The following GNPDA1 variants were observed in gnomAD, a reference collection of about 807,000 sequenced individuals.
GNPDA1 encodes glucosamine-6-phosphate deaminase 1.
A neutral mutation model predicts 28.5 loss-of-function variants in GNPDA1; 24 were observed. That is an observed-to-expected ratio of 0.84 (90% CI 0.61 to 1.19). GNPDA1 has a LOEUF of 1.19. Among genes scored for constraint, GNPDA1 ranks in the 50% most tolerant of loss-of-function variants. The pLI is 0.00. For missense variants in GNPDA1, 264 were observed against 367.3 expected (o/e 0.72, Z 2.30); for synonymous variants, 147 against 139.3 (o/e 1.06, Z -0.39).
At chr5:142,010,603 C>G (rs1436735416) in intron 2 of GNPDA1, among the ~76,000 whole-genome samples, 1 of 151,126 alleles carries the variant, frequency 6.6e-6, no homozygotes, top group African/African-American at 2.4e-5. Flanking sequence ...GACCTCCTGG[C>G]CCAAGCAATA....
At chr5:142,002,906 A>T (rs1230267406) in intron 6 of GNPDA1, among the ~76,000 whole-genome samples, 182 bp downstream of exon 6, 1 of 152,206 alleles carries the variant, frequency 6.6e-6, no homozygotes, top group Non-Finnish European at 1.5e-5. Context: ...GATCTCCAGA[A>T]ATGGATCTTT....
At chr5:142,006,082 G>T in intron 4 of GNPDA1, 62 bp downstream of exon 4, 1 of 1,392,066 alleles carries the variant, frequency 7.2e-7, no homozygotes, top group Non-Finnish European at 1.0e-6. Context: ...CAGGCATTGT[G>T]TCTTGTCCTC....
At chr5:142,002,581 C>T (rs1407010068) in intron 6 of GNPDA1, among the ~76,000 whole-genome samples, 3 of 152,010 alleles carry the variant, frequency 2.0e-5, no homozygotes, top group Non-Finnish European at 2.9e-5. Flanking sequence ...GGCAAAACCC[C>T]GCCTCTACTA....
At position 142,005,044 on chromosome 5, in the gene GNPDA1, G is replaced by A. The variant is rs774577541; in HGVS notation, c.482C>T (p.Thr161Met). 4.3e-5 allele frequency: 69 copies of A among 1,613,582 alleles called. No homozygotes were observed. Among genetic ancestry groups the A allele is most frequent in the Non-Finnish European group, 5.1e-5 (60 of 1,179,700 alleles). Residue 161 changes from threonine to methionine, a missense_variant, in exon 5 of 7, where the codon ACG becomes ATG. Transcript: ENST00000311337. ...SSLVSRTRVK[T>M]LAMDTILANA... ...GGCCAGGATGGTATCCATGGCCAGC[G>A]TCTTCACACGGGTCCTGGACACCAG...
intron 1 of GNPDA1, chr5:142,012,464 C>A (rs1366247672): frequency 6.4e-6 from 1 of 156,708 alleles, no homozygotes; most frequent in Admixed American, 6.2e-5. Context: ...GATAGATGCT[C>A]GGCTCAGCCC....
In GNPDA1 at chr5:142,001,296, TG is replaced by T. The variant is rs1264860796; in HGVS notation, c.*732del. ...AGGCTTTCACAAAAACACAGGGCTC[TG>T]GGGGAAAAACGGCTTCCACCTTCTG... On this transcript the variant is annotated 3_prime_UTR_variant, in exon 7 of 7. Transcript: ENST00000311337. 6.6e-6 allele frequency: 1 copy of T among 152,202 alleles called. No individual in the cohort carries two copies. Among genetic ancestry groups the T allele is most frequent in the East Asian group, 1.9e-4 (1 of 5,294 alleles). The allele number at this position is 152,202 out of a possible 1,614,324, so 9.4% of individuals were successfully genotyped here.
At chr5:142,010,513 T>TTC (rs776293204) in intron 2 of GNPDA1, among the ~76,000 whole-genome samples, 1,001 of 46,096 alleles carry the variant, frequency 0.022, 13 homozygotes, top group African/African-American at 0.047. Flanking sequence ...TTTTCTTTCT[T>TTC]TTTTTTTTTT....
intron 5 of GNPDA1, among the ~76,000 whole-genome samples, chr5:142,004,511 T>G (rs772025476): frequency 6.6e-6 from 1 of 152,250 alleles, no homozygotes; most frequent in African/African-American, 2.4e-5. Flanking sequence ...TATTAATCTC[T>G]GAGCACGGGG....
Position 142,004,977 on chromosome 5 carries a change from G to C in GNPDA1, c.549C>G (p.Thr183=), listed in dbSNP as rs1474905325. The C allele has an allele frequency of 1.9e-6, 3 of 1,612,996 alleles. No individual in the cohort carries two copies. The highest frequency in any genetic ancestry group is 2.5e-6 in the Non-Finnish European group (3 of 1,179,122). Residue 183 remains threonine (T), a synonymous_variant, in exon 5 of 7, where the codon ACC becomes ACG. Transcript: ENST00000311337. ...TGCCCACCCCCACCGTCAAGGCCAT[G>C]GTGGGCACCTTGGTGAGTTCTCCAT... ...FFDGELTKVP[T]MALTVGVGTV... is the part of the protein sequence containing the mutation.
Position 142,003,936 on chromosome 5 carries a change from G to C in GNPDA1, c.595-674C>G, listed in dbSNP as rs1470901128. On this transcript the variant is annotated intron_variant, in intron 5 of 6. Transcript: ENST00000311337. The surrounding 1 kb of genome is among the most constrained non-coding windows in gnomAD (Gnocchi z 4.0). ...AAAGAGAAAAAAACTCAGTTCTGTA[G>C]ATTTCCTTTCATTTTAATTCACATG... Among the ~76,000 whole-genome samples the C allele has an allele frequency of 6.6e-6, 1 of 152,194 alleles. No individual in the cohort carries two copies. Among genetic ancestry groups the C allele is most frequent in the Non-Finnish European group, 1.5e-5 (1 of 68,030 alleles).
chr5:142,004,264 C>A (rs935813886), intron 5 of GNPDA1, among the ~76,000 whole-genome samples: 1 of 152,150 alleles, frequency 6.6e-6, no homozygotes, highest in Admixed American at 6.5e-5. Flanking sequence ...CACAAAAGTT[C>A]ACTTTAAACA....
At chr5:142,005,217 T>A in intron 4 of GNPDA1, 101 bp from the exon 5 acceptor site, 2 of 905,458 alleles carry the variant, frequency 2.2e-6, no homozygotes, top group South Asian at 1.7e-5. Flanking sequence ...AGAAAAATCA[T>A]TGAAAGCTGT....
Position 142,004,924 on chromosome 5 carries a change from G to A in GNPDA1, c.594+8C>T, listed in dbSNP as rs755283952. On this transcript the variant is annotated splice_region_variant and intron_variant, in intron 5 of 6. Coordinates refer to ENST00000311337, the MANE Select transcript of GNPDA1 (RefSeq NM_005471.5). ...CAGCGCAAGCTGGTGGGGCCCTTAT[G>A]CCCTTACCTCTCTAGCATCCATGAC... 5.7e-6 allele frequency: 9 copies of A among 1,584,302 alleles called. No individual in the cohort carries two copies. In the African/African-American group the frequency reaches 9.4e-5, roughly 17 times the overall value.
intron 6 of GNPDA1, 92 bp downstream of exon 6, chr5:142,002,996 T>G: frequency 9.9e-7 from 1 of 1,009,556 alleles, no homozygotes; most frequent in African/African-American, 1.6e-5. Context: ...AGTTGTCAAT[T>G]AAAATGACCA....
At chr5:142,008,336 A>T (rs1755858279) in intron 2 of GNPDA1, among the ~76,000 whole-genome samples, 1 of 152,256 alleles carries the variant, frequency 6.6e-6, no homozygotes, top group South Asian at 2.1e-4. Context: ...CAGGAACGTC[A>T]GTTGTGATAG....
intron 6 of GNPDA1, among the ~76,000 whole-genome samples, chr5:142,002,615 T>C (rs552919263): frequency 6.6e-6 from 1 of 152,162 alleles, no homozygotes; most frequent in Admixed American, 6.5e-5. Flanking sequence ...TAACTGGGTA[T>C]AGTGGCGGGC....
At chr5:142,006,081 T>C in intron 4 of GNPDA1, 63 bp downstream of exon 4, 2 of 1,356,772 alleles carry the variant, frequency 1.5e-6, no homozygotes, top group Non-Finnish European at 2.1e-6. Context: ...ACAGGCATTG[T>C]GTCTTGTCCT....
chr5:142,009,582 A>G (rs1755894276), intron 2 of GNPDA1, among the ~76,000 whole-genome samples: 1 of 152,158 alleles, frequency 6.6e-6, no homozygotes, highest in African/African-American at 2.4e-5. Context: ...CTCAATAAAT[A>G]CCTGCTGAGT....
chr5:142,011,847 A>G (rs748905687), intron 2 of GNPDA1, 65 bp downstream of exon 2: 3 of 1,583,984 alleles, frequency 1.9e-6, no homozygotes, highest in South Asian at 2.2e-5. Context: ...GAGCCGGTGT[A>G]CCTGGCCCCT....
Sources: gnomAD v4.1 joint callset for allele counts (sites outside exome capture counted in the v4.1 genomes callset) on GRCh38, gnomAD v4.1.1 for gene constraint, Gnocchi (gnomAD v3.1) non-coding constraint, MANE v1.5 for transcripts, NCBI Gene and HGNC (gene_info 2026-07-23, HGNC 2026-07-21) for gene names.